The following KIAA2012 variants were observed in gnomAD, a reference collection of about 807,000 sequenced individuals.
KIAA2012 encodes KIAA2012.
Under a neutral mutation model 150.6 loss-of-function variants are expected in KIAA2012, and 125 were observed. The observed-to-expected ratio is 0.83, with a 90% CI of 0.72 to 0.96. The LOEUF (loss-of-function observed/expected upper bound fraction) is 0.96. Among genes scored for constraint, KIAA2012 ranks in the 40% least tolerant of loss-of-function variants. The pLI, the probability that KIAA2012 is intolerant of heterozygous loss-of-function variation, is 0.00. For synonymous variants in KIAA2012, 462 were observed against 504.7 expected, an observed-to-expected ratio of 0.92 and a Z score of 1.13; for missense variants, 1,219 against 1,354.9, an observed-to-expected ratio of 0.90 and a Z score of 1.57.
At chr2:202,125,042 C>T (rs929881140) in intron 11 of KIAA2012, among the ~76,000 whole-genome samples, 172 bp from the exon 12 acceptor site, 13 of 152,116 alleles carry the variant, frequency 8.5e-5, no homozygotes, top group Admixed American at 4.6e-4. Context: ...TGCACTATAG[C>T]GTGGGCAGCA....
chr2:202,193,251 C>A (rs747384140), intron 19 of KIAA2012, 50 bp from the exon 20 acceptor site: 27 of 1,519,020 alleles, frequency 1.8e-5, no homozygotes, highest in Non-Finnish European at 2.3e-5. Context: ...GGGCTCACTG[C>A]TGAGACAGAC....
rs558879863 is a variant in KIAA2012, at chr2:202,100,400, C to G, written c.1106C>G (p.Ser369Cys). 5.2e-6 allele frequency: 8 copies of G among 1,550,492 alleles called. No individual in the cohort carries two copies. The highest frequency in any genetic ancestry group is 1.2e-5 in the South Asian group (1 of 84,066). Residue 369 changes from serine (S) to cysteine (C), a missense_variant, in exon 7 of 24, where the codon TCT (serine) becomes TGT (cysteine). Ser to Cys is a moderately radical substitution (Grantham distance 112). Transcript: ENST00000498697. ...AERSLFPPVA[S>C]ATGSRIITPG... is the part of the protein sequence containing the mutation. Reference sequence around the variant, plus strand: ...AGAAGCCTCTTCCCTCCTGTAGCATCTGCCACTGGCTCCAGAATAATCACC... The same window carrying G: ...AGAAGCCTCTTCCCTCCTGTAGCATGTGCCACTGGCTCCAGAATAATCACC...
intron 13 of KIAA2012, among the ~76,000 whole-genome samples, chr2:202,146,328 C>T (rs145119655): frequency 6.6e-6 from 1 of 152,140 alleles, no homozygotes; most frequent in African/African-American, 2.4e-5. Flanking sequence ...CAAAGTGAGA[C>T]CCCATCTCTA....
At chr2:202,087,350 A>C (rs1219928381) in intron 2 of KIAA2012, among the ~76,000 whole-genome samples, 2 of 151,716 alleles carry the variant, frequency 1.3e-5, no homozygotes, top group Non-Finnish European at 2.9e-5. Flanking sequence ...CTGTCTCTAC[A>C]AAAAATACAA....
intron 14 of KIAA2012, among the ~76,000 whole-genome samples, chr2:202,155,939 A>G (rs1486202705): frequency 6.6e-6 from 1 of 151,832 alleles, no homozygotes; most frequent in Non-Finnish European, 1.5e-5. Context: ...GGTACTGAAT[A>G]TAAACCAAAT....
intron 11 of KIAA2012, among the ~76,000 whole-genome samples, chr2:202,122,496 CTCT>C: frequency 7.5e-6 from 1 of 133,732 alleles, no homozygotes; most frequent in South Asian, 2.4e-4. Flanking sequence ...CTCAAATCCG[CTCT>C]TTTTTTTTTT....
chr2:202,103,190 A>C, intron 8 of KIAA2012, 76 bp downstream of exon 8: 2 of 1,399,540 alleles, frequency 1.4e-6, no homozygotes, highest in Non-Finnish European at 1.9e-6. Flanking sequence ...ATGCTCCTAC[A>C]TCATGGCTGA....
chr2:202,073,832 C>G, intron 1 of KIAA2012, 121 bp downstream of exon 1: 2 of 737,314 alleles, frequency 2.7e-6, no homozygotes, highest in Non-Finnish European at 2.2e-6. Flanking sequence ...GGCGGGGTCA[C>G]TGGAAGATCT....
chr2:202,194,104 C>G, intron 20 of KIAA2012, 86 bp from the exon 21 acceptor site: 1 of 1,424,104 alleles, frequency 7.0e-7, no homozygotes, highest in South Asian at 1.4e-5. Context: ...TGCAGAGCCT[C>G]CCCCATGGGC....
chr2:202,184,850 G>A lies in KIAA2012; in HGVS notation c.2210+7G>A. ...CAGATATTGTGCAAAAAGTGTAAGT[G>A]TTCAAAGTTGTAATAACATAGGCTT... On this transcript the variant is annotated splice_region_variant and intron_variant, in intron 16 of 23. Transcript: ENST00000498697. 6.5e-7 allele frequency: 1 copy of A among 1,537,784 alleles called. No individual in the cohort carries two copies.
At chr2:202,171,416 A>C (rs1426215908) in intron 15 of KIAA2012, among the ~76,000 whole-genome samples, 3 of 151,916 alleles carry the variant, frequency 2.0e-5, no homozygotes, top group Non-Finnish European at 4.4e-5. Context: ...TTATGGCTTC[A>C]ATAGCGCCGC....
At chr2:202,191,333 A>C (rs1313208587) in intron 19 of KIAA2012, among the ~76,000 whole-genome samples, 2 of 152,148 alleles carry the variant, frequency 1.3e-5, no homozygotes, top group Non-Finnish European at 2.9e-5. Context: ...CTTGCTTCTA[A>C]TGTGGAGGTC....
intron 22 of KIAA2012, among the ~76,000 whole-genome samples, chr2:202,198,023 A>C (rs1412833011): frequency 6.6e-6 from 1 of 151,578 alleles, no homozygotes; most frequent in East Asian, 1.9e-4. Context: ...AAAATACAAA[A>C]AGCAGCTGGG....
At chr2:202,167,211 C>T (rs1023996605) in intron 15 of KIAA2012, among the ~76,000 whole-genome samples, 1 of 152,088 alleles carries the variant, frequency 6.6e-6, no homozygotes, top group Non-Finnish European at 1.5e-5. Context: ...TACCCCTGTC[C>T]AAAGTCCAGG....
At chr2:202,089,432 G>T (rs1259903457) in intron 2 of KIAA2012, among the ~76,000 whole-genome samples, 2 of 152,178 alleles carry the variant, frequency 1.3e-5, no homozygotes, top group Non-Finnish European at 2.9e-5. Flanking sequence ...CTCCTGATCT[G>T]GTCCTTTGAT....
intron 21 of KIAA2012, 53 bp downstream of exon 21, chr2:202,194,415 C>T: frequency 6.5e-7 from 1 of 1,537,164 alleles, no homozygotes. Context: ...GGCAGAAACA[C>T]TTTTATCCAG....
chr2:202,203,738 A>C (rs1049672476), intron 23 of KIAA2012, among the ~76,000 whole-genome samples: 1 of 151,216 alleles, frequency 6.6e-6, no homozygotes, highest in African/African-American at 2.4e-5. Context: ...AAATTTCCCC[A>C]GTTGAAAAAA....
chr2:202,163,382 G>A (rs904595441), intron 14 of KIAA2012, among the ~76,000 whole-genome samples: 4 of 152,118 alleles, frequency 2.6e-5, no homozygotes, highest in African/African-American at 9.7e-5. Context: ...GATTACAGGC[G>A]TGAGCCACCA....
At chr2:202,105,933 A>T in intron 9 of KIAA2012, 23 bp downstream of exon 9, 1 of 1,550,846 alleles carries the variant, frequency 6.4e-7, no homozygotes, top group South Asian at 1.2e-5. Flanking sequence ...TCCCTCCAGC[A>T]TCCCTCGGGA....
Sources: gnomAD v4.1 joint callset for allele counts (sites outside exome capture counted in the v4.1 genomes callset) on GRCh38, gnomAD v4.1.1 for gene constraint, MANE v1.5 for transcripts, NCBI Gene and HGNC (gene_info 2026-07-23, HGNC 2026-07-21) for gene names.